Variants in PCDHA3 observed in about 807,000 individuals in gnomAD.
PCDHA3 encodes the protein protocadherin alpha 3.
PCDHA3 carries 41 observed loss-of-function variants against 62.2 expected under a neutral mutation model. That is an observed-to-expected ratio of 0.66 (90% confidence interval 0.51 to 0.86). PCDHA3 has a LOEUF of 0.86. PCDHA3 is among the 40% of genes least tolerant of loss of function. The pLI is 0.00. For missense variants in PCDHA3, 1,304 were observed against 1,241.2 expected, an observed-to-expected ratio of 1.05 and a Z score of -0.76; for synonymous variants, 640 against 555.4, an observed-to-expected ratio of 1.15 and a Z score of -2.14.
Position 140,912,620 on chromosome 5 carries a change from G to A in PCDHA3, c.2395-66329G>A, listed in dbSNP as rs149952916. Among the ~76,000 whole-genome samples the A allele has an allele frequency of 2.6e-3, 391 of 152,154 alleles. 2 individuals carry two copies. The highest frequency in any genetic ancestry group is 9.2e-3 in the African/African-American group (380 of 41,510). ...TTTCTTCCTCTTGTCTGATTACTCT[G>A]GATGAGACTTTCAGTACTATGTTGA... On this transcript the variant is annotated intron_variant, in intron 1 of 3. Coordinates refer to ENST00000522353, the MANE Select transcript of PCDHA3 (RefSeq NM_018906.3).
chr5:140,905,158 T>C (rs2071634583), intron 1 of PCDHA3, among the ~76,000 whole-genome samples: 1 of 152,256 alleles, frequency 6.6e-6, no homozygotes, highest in South Asian at 2.1e-4. Context: ...TTTAGAATTT[T>C]CATGGTTTCA....
At chr5:140,840,931 G>T (rs529661807) in intron 1 of PCDHA3, among the ~76,000 whole-genome samples, 1 of 151,938 alleles carries the variant, frequency 6.6e-6, no homozygotes, top group Non-Finnish European at 1.5e-5. Flanking sequence ...TAATTGATAC[G>T]ATATTTGAAA....
chr5:140,803,036 T>G lies in PCDHA3; in HGVS notation c.1839T>G (p.Pro613=). The change falls in exon 1 of 4, where the codon CCT becomes CCG. Residue 613 remains proline, a synonymous_variant. Coordinates refer to ENST00000522353, the MANE Select transcript of PCDHA3 (RefSeq NM_018906.3). ...YNAWLSYELQ[P]GTGGARIPFR... is the part of the protein sequence containing the mutation. ...CGTGGCTTTCGTATGAGCTGCAGCC[T>G]GGGACCGGCGGTGCGCGCATCCCGT... The G allele has an allele frequency of 6.2e-7, 1 of 1,614,018 alleles. No individual in the cohort carries two copies. The highest frequency in any genetic ancestry group is 8.5e-7 in the Non-Finnish European group (1 of 1,179,934).
At chr5:140,948,027 G>T (rs530195389) in intron 1 of PCDHA3, among the ~76,000 whole-genome samples, 1 of 151,544 alleles carries the variant, frequency 6.6e-6, no homozygotes, top group Non-Finnish European at 1.5e-5. Flanking sequence ...TTTCTGGTTT[G>T]CTCAGAGTTT....
intron 3 of PCDHA3, among the ~76,000 whole-genome samples, chr5:140,997,147 A>G (rs545988847): frequency 5.9e-5 from 9 of 152,134 alleles, no homozygotes; most frequent in African/African-American, 2.2e-4. Context: ...CCCCCGCCAC[A>G]GTGACATCCT....
chr5:140,955,175 A>G (rs1212192227), intron 1 of PCDHA3, among the ~76,000 whole-genome samples: 1 of 152,058 alleles, frequency 6.6e-6, no homozygotes, highest in Non-Finnish European at 1.5e-5. Flanking sequence ...TGGTTACTGT[A>G]GTTTTGTGGT....
intron 1 of PCDHA3, among the ~76,000 whole-genome samples, chr5:140,826,390 C>A (rs191018508): frequency 6.6e-6 from 1 of 152,208 alleles, no homozygotes; most frequent in Admixed American, 6.5e-5. Flanking sequence ...ATAAGAACTA[C>A]TAAATAGATC....
At chr5:140,829,371 C>G (rs1243458912) in intron 1 of PCDHA3, 1 of 1,614,080 alleles carries the variant, frequency 6.2e-7, no homozygotes, top group African/African-American at 1.3e-5. Context: ...GTGGTAACCG[C>G]GCGGGACGGG....
intron 1 of PCDHA3, chr5:140,870,414 G>T: frequency 6.2e-7 from 1 of 1,614,230 alleles, no homozygotes; most frequent in Non-Finnish European, 8.5e-7. Context: ...TGTGGGCCAC[G>T]GCCAGGGTAT....
chr5:140,975,380 G>A (rs1554236775), intron 1 of PCDHA3, among the ~76,000 whole-genome samples: 2 of 152,220 alleles, frequency 1.3e-5, no homozygotes, highest in African/African-American at 4.8e-5. Flanking sequence ...GTAATCATGG[G>A]AATAAGATCC....
At chr5:140,876,323 T>C (rs1554168484) in intron 1 of PCDHA3, 1 of 1,614,000 alleles carries the variant, frequency 6.2e-7, no homozygotes, top group Middle Eastern at 1.6e-4. Context: ...ATCAAAATGA[T>C]TTTGCCAGTG....
intron 1 of PCDHA3, chr5:140,856,523 G>A (rs1554148798): frequency 6.3e-7 from 1 of 1,598,526 alleles, no homozygotes; most frequent in Admixed American, 1.7e-5. Context: ...CGCATCTGAT[G>A]CGGATGTTGG....
chr5:140,859,830 T>C (rs1388131535), intron 1 of PCDHA3: 1 of 152,212 alleles, frequency 6.6e-6, no homozygotes, highest in Non-Finnish European at 1.5e-5. Flanking sequence ...AGAAGTGTAT[T>C]TGTTATTTTA....
intron 1 of PCDHA3, among the ~76,000 whole-genome samples, chr5:140,921,390 T>G (rs2080194479): frequency 6.6e-6 from 1 of 152,164 alleles, no homozygotes; most frequent in Non-Finnish European, 1.5e-5. Context: ...TTGATAAACA[T>G]TCACACTAGA....
chr5:140,926,919 A>G, intron 1 of PCDHA3: 9 of 1,566,668 alleles, frequency 5.7e-6, no homozygotes, highest in Non-Finnish European at 7.8e-6. Flanking sequence ...TGGCAGTTTT[A>G]TGTTTGTGGG....
rs2150401429 is a variant in PCDHA3 at position 140,847,524 on chromosome 5, A to G, written c.2394+43933A>G. The stretch of plus-strand genomic sequence containing the variant: ...AAAACTTTGTAGAACTTAGTCAGGA[A>G]AAGAATCTCAAGCATAGCTTTAAAA... On this transcript the variant is annotated intron_variant, in intron 1 of 3. Coordinates refer to ENST00000522353, the MANE Select transcript of PCDHA3 (RefSeq NM_018906.3). The G allele has an allele frequency of 1.3e-5, 2 of 149,848 alleles. 1 individual carries two copies. The highest frequency in any genetic ancestry group is 3.0e-5 in the Non-Finnish European group (2 of 66,914). 9.3% of individuals were successfully genotyped at this position (149,848 alleles called of 1,614,324 possible).
intron 1 of PCDHA3, among the ~76,000 whole-genome samples, chr5:140,978,477 G>A (rs1362771671): frequency 6.6e-6 from 1 of 152,342 alleles, no homozygotes; most frequent in African/African-American, 2.4e-5. Context: ...ATATGCTGCA[G>A]TCTGCAAAGC....
intron 3 of PCDHA3, among the ~76,000 whole-genome samples, chr5:140,983,034 C>G (rs923296416): frequency 2.6e-5 from 4 of 151,944 alleles, no homozygotes; most frequent in Non-Finnish European, 5.9e-5. Context: ...GATGGTTTCT[C>G]ATGGAAGTGG....
intron 1 of PCDHA3, chr5:140,829,603 G>A: frequency 6.2e-7 from 1 of 1,612,072 alleles, no homozygotes; most frequent in Non-Finnish European, 8.5e-7. Context: ...AGCGCGCGTT[G>A]TCGAGCTACA....
Sources: gnomAD v4.1 joint callset for allele counts (sites outside exome capture counted in the v4.1 genomes callset) on GRCh38, gnomAD v4.1.1 for gene constraint, MANE v1.5 for transcripts, NCBI Gene and HGNC (gene_info 2026-07-23, HGNC 2026-07-21) for gene names.